Variants in MAGED1 observed in about 807,000 individuals in gnomAD.
MAGED1 encodes melanoma-associated antigen D1.
In MAGED1, 3 loss-of-function variants were observed where a neutral mutation model predicts 54.1. That is an observed-to-expected ratio of 0.06 (90% CI 0.03 to 0.14). The LOEUF is 0.14. MAGED1 is among the 10% of genes least tolerant of loss of function. MAGED1 has a pLI of 1.00. For synonymous variants in MAGED1, 217 were observed against 227.3 expected (o/e 0.95, Z 0.41); for missense variants, 485 against 623.4 (o/e 0.78, Z 2.36).
chrX:51,868,151 G>C lies in MAGED1; in HGVS notation c.-36-26118G>C, dbSNP rs782637378. On this transcript the variant is annotated intron_variant, in intron 1 of 12. Transcript: ENST00000375772. ...GGGAACATCAAACATTGTACCTTTA[G>C]AGCATGGTATATTTCTCCACTTAAC... 6.2e-5 allele frequency among the ~76,000 whole-genome samples: 7 copies of C among 112,193 alleles called. No homozygotes were observed. The Admixed American group carries it at 6.6e-4, about 11-fold the overall frequency.
At chrX:51,816,599 GTGTAGTAGTGTATACCA>G (rs1370056224) in intron 1 of MAGED1, among the ~76,000 whole-genome samples, 7 of 111,456 alleles carry the variant, frequency 6.3e-5, no homozygotes, top group African/African-American at 2.3e-4. Context: ...TAACACAGGT[GTGTAGTAGTGTATACCA>G]TCTAGGTTTG....
chrX:51,894,382 C>T (rs781941032), intron 2 of MAGED1, 33 bp downstream of exon 2: 1 of 1,165,574 alleles, frequency 8.6e-7, no homozygotes, highest in Admixed American at 2.3e-5. Context: ...CACCATTTCC[C>T]CAGCCGACAG....
chrX:51,849,883 G>T (rs7880576), intron 1 of MAGED1, among the ~76,000 whole-genome samples: 30,327 of 109,791 alleles, frequency 0.28, 3,155 homozygotes, highest in Middle Eastern at 0.32. Context: ...TCCTTATACC[G>T]CCAGAATTTG....
intron 1 of MAGED1, among the ~76,000 whole-genome samples, chrX:51,827,763 C>T (rs782019201): frequency 2.2e-4 from 25 of 111,582 alleles, no homozygotes; most frequent in Non-Finnish European, 7.5e-5. Context: ...TTCTCTCTCC[C>T]ACACCTTGCC....
chrX:51,868,867 C>T (rs781995018), intron 1 of MAGED1, among the ~76,000 whole-genome samples: 2 of 111,617 alleles, frequency 1.8e-5, no homozygotes, highest in South Asian at 7.7e-4. Flanking sequence ...AAGTGTGTCT[C>T]TTTGTGAGGA....
chrX:51,861,297 G>T (rs1927273923), intron 1 of MAGED1, among the ~76,000 whole-genome samples: 1 of 111,317 alleles, frequency 9.0e-6, no homozygotes, highest in Non-Finnish European at 1.9e-5. Flanking sequence ...GCTTAAAAAA[G>T]AAATAACAAA....
In MAGED1 at chrX:51,895,040, CCT is replaced by C. The variant is rs1467741398; in HGVS notation, c.46-12_46-11del. On this transcript the variant is annotated splice_polypyrimidine_tract_variant and intron_variant, in intron 2 of 12. Transcript: ENST00000326587. Reference sequence around the variant, plus strand: ...GGCCCAGAGATTTAATTTTTTCCCCCCTGTGTTTGCAGGCTGAGGCCTCCGTA... The same window carrying C: ...GGCCCAGAGATTTAATTTTTTCCCCCGTGTTTGCAGGCTGAGGCCTCCGTA... 1 of 1,178,798 alleles carries C rather than the reference CCT, an allele frequency of 8.5e-7. No homozygotes were observed. The highest frequency in any genetic ancestry group is 1.1e-6 in the Non-Finnish European group (1 of 874,430).
chrX:51,891,428 T>C (rs1928434129), upstream of MAGED1, among the ~76,000 whole-genome samples: 1 of 112,706 alleles, frequency 8.9e-6, no homozygotes, highest in African/African-American at 3.3e-5. Flanking sequence ...AGTGTTTGAA[T>C]GTATAGTGAT....
chrX:51,836,739 T>G (rs1342324682), intron 1 of MAGED1, among the ~76,000 whole-genome samples: 4 of 109,487 alleles, frequency 3.7e-5, no homozygotes, highest in South Asian at 4.0e-4. Flanking sequence ...GCCCGGCTAG[T>G]TTTTTTTGTA....
intron 1 of MAGED1, 52 bp from the exon 2 acceptor site, chrX:51,894,217 A>G (rs1557363846): frequency 1.4e-6 from 1 of 695,320 alleles, no homozygotes; most frequent in Non-Finnish European, 2.2e-6. Flanking sequence ...CCTCCCAATT[A>G]GGTCCTTCGT....
At position 51,902,129 on chromosome X, in the gene MAGED1, C is replaced by T; in HGVS notation, c.*9-17C>T. Reference sequence around the variant, plus strand: ...TATATCATTGATTTTTTTACTTCTTCTTTCTTATGTTCACAGATATTGCTA... The same window carrying T: ...TATATCATTGATTTTTTTACTTCTTTTTTCTTATGTTCACAGATATTGCTA... On this transcript the variant is annotated splice_polypyrimidine_tract_variant and intron_variant, in intron 12 of 12. Coordinates refer to ENST00000326587, the MANE Select transcript of MAGED1 (RefSeq NM_006986.4). 1 of 373,453 alleles carries T rather than the reference C, an allele frequency of 2.7e-6. No homozygotes were observed. The allele number at this position is 373,453 out of a possible 1,213,427, so 30.8% of individuals were successfully genotyped here.
At chrX:51,863,356 A>G (rs1195002670) in intron 1 of MAGED1, among the ~76,000 whole-genome samples, 1 of 112,209 alleles carries the variant, frequency 8.9e-6, no homozygotes, top group Non-Finnish European at 1.9e-5. Flanking sequence ...GTGTGTGTGT[A>G]TACACACAAT....
At chrX:51,867,608 G>A (rs782659078) in intron 1 of MAGED1, among the ~76,000 whole-genome samples, 4 of 111,714 alleles carry the variant, frequency 3.6e-5, no homozygotes, top group Non-Finnish European at 7.5e-5. Flanking sequence ...TCCCCAGCCC[G>A]CTGACTCAAA....
At chrX:51,822,687 C>T (rs1557356639) in intron 1 of MAGED1, among the ~76,000 whole-genome samples, 2 of 110,900 alleles carry the variant, frequency 1.8e-5, no homozygotes, top group African/African-American at 6.5e-5. Context: ...AGATCTCAGT[C>T]ATGGTGTGGA....
At chrX:51,820,126 A>C (rs1287397708) in intron 1 of MAGED1, among the ~76,000 whole-genome samples, 1 of 111,986 alleles carries the variant, frequency 8.9e-6, no homozygotes, top group East Asian at 2.8e-4. Context: ...TCTGTTCATC[A>C]GTCTATATGT....
intron 2 of MAGED1, chrX:51,894,721 C>G: frequency 8.6e-7 from 1 of 1,166,716 alleles, no homozygotes; most frequent in East Asian, 3.0e-5. Flanking sequence ...TGCGACCCCC[C>G]TTATTCTCAA....
chrX:51,866,176 G>T (rs934170554), intron 1 of MAGED1, among the ~76,000 whole-genome samples: 2 of 112,291 alleles, frequency 1.8e-5, no homozygotes, highest in Non-Finnish European at 3.8e-5. Context: ...TTCCTCAGGT[G>T]TTCTTATTAC....
chrX:51,814,569 G>C (rs1557355887), intron 1 of MAGED1, among the ~76,000 whole-genome samples: 2 of 111,390 alleles, frequency 1.8e-5, no homozygotes, highest in Admixed American at 1.9e-4. Context: ...AATATATCCA[G>C]TAACAACAGC....
chrX:51,882,062 C>T (rs1928075506), intron 1 of MAGED1, among the ~76,000 whole-genome samples: 1 of 111,056 alleles, frequency 9.0e-6, no homozygotes, highest in East Asian at 2.8e-4. Context: ...TATGAATAAC[C>T]CAAAGTAAAA....
Sources: gnomAD v4.1 joint callset for allele counts (sites outside exome capture counted in the v4.1 genomes callset) on GRCh38, gnomAD v4.1.1 for gene constraint, MANE v1.5 for transcripts, NCBI Gene and HGNC (gene_info 2026-07-23, HGNC 2026-07-21) for gene names.